Variants in NIPSNAP2 observed in about 807,000 individuals in gnomAD.
NIPSNAP2 encodes the protein nipsnap homolog 2.
In NIPSNAP2, 42 loss-of-function variants were observed where a neutral mutation model predicts 48.4. The ratio of observed to expected loss-of-function variants is 0.87; its 90% CI spans 0.68 to 1.12. The LOEUF is 1.12. Among genes scored for constraint, NIPSNAP2 ranks in the 50% most tolerant of loss-of-function variants. NIPSNAP2 has a pLI of 0.00. For missense variants in NIPSNAP2, 314 were observed against 347.3 expected, an observed-to-expected ratio of 0.90 and a Z score of 0.76; for synonymous variants, 158 against 126.6, an observed-to-expected ratio of 1.25 and a Z score of -1.67.
chr7:55,965,371 A>G (rs1354757563), intron 1 of NIPSNAP2, among the ~76,000 whole-genome samples: 1 of 150,900 alleles, frequency 6.6e-6, no homozygotes, highest in African/African-American at 2.4e-5. Context: ...AGTGGATTGG[A>G]CGTTTGGTTG....
At chr7:55,988,959 T>C (rs1787389369) in intron 7 of NIPSNAP2, among the ~76,000 whole-genome samples, 1 of 152,214 alleles carries the variant, frequency 6.6e-6, no homozygotes, top group Non-Finnish European at 1.5e-5. Context: ...TATATATATG[T>C]GTATAAGTGT....
intron 1 of NIPSNAP2, 82 bp downstream of exon 1, chr7:55,964,783 C>G (rs1786855456): frequency 1.5e-6 from 1 of 663,300 alleles, no homozygotes; most frequent in Non-Finnish European, 2.0e-6. Flanking sequence ...GCGCCGGTCT[C>G]CGCCCCGGCC....
rs1465003899 is a variant in NIPSNAP2, at chr7:55,978,144, C to G, written c.111C>G (p.Ser37Arg). ...TCCATAGGACATGGACATCTTCCAG[C>G]AACAGATCTCGAGAAGACAGCTGGC... ...LPRLRTWTSS[S>R]NRSREDSWLK... is the part of the protein sequence containing the mutation. Residue 37 changes from serine (S) to arginine (R), a missense_variant, in exon 2 of 10, where the codon AGC becomes AGG. This residue lies in a region of NIPSNAP2 where 198 missense variants were observed against 185.5 expected (regional missense o/e 1.07). Transcript: ENST00000322090. 1.9e-6 allele frequency: 3 copies of G among 1,614,052 alleles called. No homozygotes were observed. The highest frequency in any genetic ancestry group is 2.5e-6 in the Non-Finnish European group (3 of 1,180,034).
At chr7:55,965,212 A>G (rs1226679357) in intron 1 of NIPSNAP2, 1 of 152,276 alleles carries the variant, frequency 6.6e-6, no homozygotes, top group Non-Finnish European at 1.5e-5. Flanking sequence ...CGCGGAGCGT[A>G]GGGGAAGTTA....
At position 55,983,709 on chromosome 7, in the gene NIPSNAP2, A is replaced by G. The variant is rs966094369; in HGVS notation, c.445-19A>G. The stretch of plus-strand genomic sequence containing the variant: ...GTAAGTATCAGAAGATTTCATGAGC[A>G]CATTTTTTTCACTCAAAGGAATTTT... On this transcript the variant is annotated intron_variant, in intron 5 of 9. Coordinates refer to ENST00000322090, the MANE Select transcript of NIPSNAP2 (RefSeq NM_001483.3). 5 of 1,612,888 alleles carry G rather than the reference A, an allele frequency of 3.1e-6. No individual in the cohort carries two copies. Among genetic ancestry groups the G allele is most frequent in the Non-Finnish European group, 4.2e-6 (5 of 1,179,336 alleles).
chr7:55,967,913 G>A (rs1786930536), intron 1 of NIPSNAP2, among the ~76,000 whole-genome samples: 1 of 151,752 alleles, frequency 6.6e-6, no homozygotes, highest in Admixed American at 6.6e-5. Flanking sequence ...GCCTCCCAAA[G>A]TGCTGGCATT....
rs1445524166 is a variant in NIPSNAP2 at position 55,964,652 on chromosome 7, G to GGCGGCCTCCTGCAGCGGGCGGCCCCCT, written c.46_72dup (p.Gly16_Cys24dup). On this transcript the variant is annotated inframe_insertion, in exon 1 of 10. Transcript: ENST00000322090. ...GCGCGCCCGCGGAGCGGCCTGGGCCGGCGGCCTCCTGCAGCGGGCGGCCCC... is the reference window on the plus strand; with the variant it reads ...GCGCGCCCGCGGAGCGGCCTGGGCCGGCGGCCTCCTGCAGCGGGCGGCCCCCTGCGGCCTCCTGCAGCGGGCGGCCCC... 8.2e-6 allele frequency: 9 copies of GGCGGCCTCCTGCAGCGGGCGGCCCCCT among 1,099,822 alleles called. No individual in the cohort carries two copies. Among genetic ancestry groups the GGCGGCCTCCTGCAGCGGGCGGCCCCCT allele is most frequent in the African/African-American group, 3.3e-5 (2 of 59,756 alleles). The allele number at this position is 1,099,822 out of a possible 1,614,324, so 68.1% of individuals were successfully genotyped here. A position where few individuals can be genotyped will look rare whatever the true frequency, so the allele number is the denominator to read the frequency against.
intron 7 of NIPSNAP2, among the ~76,000 whole-genome samples, chr7:55,992,670 C>T (rs1787476617): frequency 6.6e-6 from 1 of 152,200 alleles, no homozygotes; most frequent in Non-Finnish European, 1.5e-5. Context: ...TAGTAGGTTG[C>T]TATCCTTGTT....
intron 9 of NIPSNAP2, among the ~76,000 whole-genome samples, chr7:55,998,248 C>CAA (rs879897370): frequency 7.8e-6 from 1 of 127,806 alleles, no homozygotes. Context: ...GAATCCGTCT[C>CAA]AAAAAAAAAA....
At chr7:55,989,613 A>G (rs1787402341) in intron 7 of NIPSNAP2, among the ~76,000 whole-genome samples, 1 of 152,124 alleles carries the variant, frequency 6.6e-6, no homozygotes. Flanking sequence ...CAACAGAGCA[A>G]GATCCTGTCC....
At chr7:55,979,315 C>G (rs1787164744) in intron 3 of NIPSNAP2, 1 of 153,248 alleles carries the variant, frequency 6.5e-6, no homozygotes, top group African/African-American at 2.4e-5. Flanking sequence ...CGATGTTGTC[C>G]TGGATTACCT....
In NIPSNAP2 at chr7:55,982,267, T is replaced by C. The variant is rs768976163; in HGVS notation, c.431T>C (p.Leu144Pro). The C allele has an allele frequency of 1.3e-6, 2 of 1,596,666 alleles. No individual in the cohort carries two copies. The highest frequency in any genetic ancestry group is 2.2e-5 in the South Asian group (2 of 90,488). Residue 144 changes from leucine to proline, a missense_variant, in exon 5 of 10, where the codon CTC becomes CCC. By Grantham distance (98) the Leu-to-Pro change is moderately conservative. Coordinates refer to ENST00000322090, the MANE Select transcript of NIPSNAP2 (RefSeq NM_001483.3). The part of the protein sequence containing the change: ...YPALTEVMNK[L>P]RENKEFLEFR... ...GCCCTCACAGAAGTCATGAATAAACTCAGAGAAAATAAGGTAATGATATTG... is the reference window on the plus strand; with the variant it reads ...GCCCTCACAGAAGTCATGAATAAACCCAGAGAAAATAAGGTAATGATATTG...
chr7:55,985,978 G>A (rs940077579), intron 7 of NIPSNAP2, among the ~76,000 whole-genome samples: 5 of 151,856 alleles, frequency 3.3e-5, no homozygotes, highest in African/African-American at 1.2e-4. Context: ...AACCCAGGAG[G>A]CAGAGGTTGC....
chr7:55,965,663 C>T (rs1786878521), intron 1 of NIPSNAP2, among the ~76,000 whole-genome samples: 1 of 103,078 alleles, frequency 9.7e-6, no homozygotes, highest in East Asian at 2.1e-4. Flanking sequence ...TCACTGCAAC[C>T]TCCGCCTCCC....
rs1159684907 is a variant in NIPSNAP2, at chr7:55,999,834, T to C, written c.*762T>C. The C allele has an allele frequency of 3.3e-5, 5 of 152,526 alleles. No individual in the cohort carries two copies. The highest frequency in any genetic ancestry group is 1.2e-4 in the African/African-American group (5 of 41,456). 9.4% of individuals were successfully genotyped at this position (152,526 alleles called of 1,614,324 possible). On this transcript the variant is annotated 3_prime_UTR_variant, in exon 10 of 10. Transcript: ENST00000322090. ...AGCTCTAGGAAAAGAGGTTTTATTT[T>C]GTAAACGATCATTTGTGACCTCAGA... is the stretch of plus-strand genomic sequence containing the variant.
In NIPSNAP2 at chr7:55,983,729, A is replaced by G. The variant is rs1485462774; in HGVS notation, c.446A>G (p.Glu149Gly). 3 of 1,613,234 alleles carry G rather than the reference A, an allele frequency of 1.9e-6. No individual in the cohort carries two copies. The highest frequency in any genetic ancestry group is 1.7e-5 in the Admixed American group (1 of 59,778). ...EVMNKLRENK[E>G]FLEFRKARSD... ...TGAGCACATTTTTTTCACTCAAAGG[A>G]ATTTTTGGAATTTCGTAAGGCAAGA... Residue 149 changes from glutamate to glycine, a missense_variant and splice_region_variant, in exon 6 of 10, where the codon GAA becomes GGA. Coordinates refer to ENST00000322090, the MANE Select transcript of NIPSNAP2 (RefSeq NM_001483.3).
intron 7 of NIPSNAP2, among the ~76,000 whole-genome samples, chr7:55,992,402 C>T (rs1787472473): frequency 2.0e-5 from 3 of 152,124 alleles, no homozygotes; most frequent in South Asian, 4.1e-4. Context: ...GGGCAGGAGG[C>T]TCCCTCGAGC....
chr7:55,989,631 G>A (rs1244900926), intron 7 of NIPSNAP2, among the ~76,000 whole-genome samples: 4 of 151,278 alleles, frequency 2.6e-5, no homozygotes, highest in Non-Finnish European at 5.9e-5. Flanking sequence ...TCCCAAAAAA[G>A]CCTCAATAAT....
chr7:55,968,460 G>GCTGCAACCTCTGCCTCC (rs963636328), intron 1 of NIPSNAP2, among the ~76,000 whole-genome samples: 2 of 149,692 alleles, frequency 1.3e-5, no homozygotes, highest in African/African-American at 4.9e-5. Flanking sequence ...ATCTCGGCTC[G>GCTGCAACCTCTGCCTCC]CTGCAACCTC....
Sources: allele counts gnomAD v4.1 joint callset (sites outside exome capture counted in the v4.1 genomes callset), GRCh38; gene constraint gnomAD v4.1.1; regional missense constraint gnomAD v4.1.1; transcripts MANE v1.5; gene names NCBI Gene and HGNC (gene_info 2026-07-23, HGNC 2026-07-21).